SMARCC1: variants seen among roughly 807,000 people sequenced by gnomAD.
SMARCC1 encodes SWI/SNF complex subunit SMARCC1.
In SMARCC1, 43 loss-of-function variants were observed where a neutral mutation model predicts 147.4. The ratio of observed to expected loss-of-function variants is 0.29; its 90% CI spans 0.23 to 0.38. The LOEUF is 0.38. Ranked by LOEUF, SMARCC1 falls within the 10% of genes least tolerant of loss-of-function variation. SMARCC1 has a pLI of 1.00. For synonymous variants in SMARCC1, 495 were observed against 484.4 expected (o/e 1.02, Z -0.29); for missense variants, 1,119 against 1,381.1 (o/e 0.81, Z 3.01).
At chr3:47,672,884 C>T (rs532312866) in intron 18 of SMARCC1, among the ~76,000 whole-genome samples, 2 of 152,152 alleles carry the variant, frequency 1.3e-5, no homozygotes, top group East Asian at 1.9e-4. Flanking sequence ...GTTCAAGCGA[C>T]TCTCGAGCTT....
rs1159170806 is a variant in SMARCC1, at chr3:47,671,190, A to AAAAAAAAAC, written c.1840-482_1840-474dup. Reference sequence around the variant, plus strand: ...GACTATCTCAAAAAAAAAAAAAAAAAAAAAAAAACACACACAAAAACCAAA... The same window carrying AAAAAAAAAC: ...GACTATCTCAAAAAAAAAAAAAAAAAAAAAAAAACAAAAAAAACACACACAAAAACCAAA... On this transcript the variant is annotated intron_variant, in intron 18 of 27. Coordinates refer to ENST00000254480, the MANE Select transcript of SMARCC1 (RefSeq NM_003074.4). 4.9e-4 allele frequency among the ~76,000 whole-genome samples: 71 copies of AAAAAAAAAC among 145,232 alleles called. 1 individual carries two copies. Among genetic ancestry groups the AAAAAAAAAC allele is most frequent in the African/African-American group, 1.8e-3 (67 of 37,842 alleles).
chr3:47,714,176 C>T (rs2034126742), intron 8 of SMARCC1, among the ~76,000 whole-genome samples: 2 of 152,146 alleles, frequency 1.3e-5, no homozygotes, highest in African/African-American at 4.8e-5. Flanking sequence ...CCAGCCTGAC[C>T]AATCCAGTAA....
chr3:47,776,345 T>C (rs2034974846), intron 1 of SMARCC1, among the ~76,000 whole-genome samples: 1 of 152,026 alleles, frequency 6.6e-6, no homozygotes, highest in South Asian at 2.1e-4. Flanking sequence ...ATCACACCCA[T>C]AATCTCAGAA....
In SMARCC1 at chr3:47,608,207, C is replaced by T. The variant is rs561591457; in HGVS notation, c.3043+1859G>A. On this transcript the variant is annotated intron_variant, in intron 26 of 27. Coordinates refer to ENST00000254480, the MANE Select transcript of SMARCC1 (RefSeq NM_003074.4). ...GGTTCAAGCAATACCCATGCCTCAG[C>T]CTCCTGAGTAGATGGGACTGCAGAT... is the stretch of plus-strand genomic sequence containing the variant. Among the ~76,000 whole-genome samples, 5 of 152,334 alleles carry T rather than the reference C, an allele frequency of 3.3e-5. No homozygotes were observed. The East Asian group carries it at 9.7e-4, about 29-fold the overall frequency.
chr3:47,618,464 T>C (rs763335872), intron 25 of SMARCC1, among the ~76,000 whole-genome samples: 6 of 151,820 alleles, frequency 4.0e-5, no homozygotes, highest in Admixed American at 3.9e-4. Context: ...GGAGGATCAC[T>C]TGAGCCCCAG....
At chr3:47,754,294 C>A (rs1244413396) in intron 2 of SMARCC1, among the ~76,000 whole-genome samples, 1 of 152,026 alleles carries the variant, frequency 6.6e-6, no homozygotes, top group Non-Finnish European at 1.5e-5. Context: ...CCTCCGCCTC[C>A]CAGGTTCAAG....
chr3:47,762,402 G>A (rs2034783465), intron 2 of SMARCC1, among the ~76,000 whole-genome samples: 1 of 152,152 alleles, frequency 6.6e-6, no homozygotes, highest in South Asian at 2.1e-4. Context: ...TGATCCAGTT[G>A]GTGAGAATTC....
intron 26 of SMARCC1, among the ~76,000 whole-genome samples, chr3:47,595,668 C>T (rs2032263920): frequency 6.6e-6 from 1 of 151,946 alleles, no homozygotes; most frequent in African/African-American, 2.4e-5. Flanking sequence ...ATATAAATAC[C>T]ATACCCTTTT....
chr3:47,621,350 G>A (rs1446265023), intron 25 of SMARCC1, among the ~76,000 whole-genome samples: 1 of 151,070 alleles, frequency 6.6e-6, no homozygotes, highest in Non-Finnish European at 1.5e-5. Context: ...AAATGCACCT[G>A]CACATGCATG....
intron 21 of SMARCC1, among the ~76,000 whole-genome samples, chr3:47,658,983 T>C (rs551052772): frequency 6.6e-6 from 1 of 151,926 alleles, no homozygotes; most frequent in South Asian, 2.1e-4. Context: ...CCGGGTGTTG[T>C]GGCACAAGCC....
In SMARCC1 at chr3:47,735,737, G is replaced by A. The variant is rs532553300; in HGVS notation, c.576+297C>T. The stretch of plus-strand genomic sequence containing the variant: ...CCCCTACACTCTAGCCTGGGCGACA[G>A]CGCGAGACTCTCTCAACCACAACAA... On this transcript the variant is annotated intron_variant, in intron 5 of 27. Coordinates refer to ENST00000254480, the MANE Select transcript of SMARCC1 (RefSeq NM_003074.4). Among the ~76,000 whole-genome samples the A allele has an allele frequency of 1.8e-3, 276 of 152,178 alleles. 2 individuals carry two copies. The highest frequency in any genetic ancestry group is 6.5e-3 in the African/African-American group (268 of 41,506).
intron 2 of SMARCC1, among the ~76,000 whole-genome samples, chr3:47,754,718 A>T (rs754806698): frequency 6.6e-6 from 1 of 152,188 alleles, no homozygotes; most frequent in Non-Finnish European, 1.5e-5. Context: ...GAAACAACTA[A>T]AAGTCAAAGT....
intron 2 of SMARCC1, among the ~76,000 whole-genome samples, chr3:47,764,090 A>C (rs2034807559): frequency 6.6e-6 from 1 of 152,102 alleles, no homozygotes; most frequent in Non-Finnish European, 1.5e-5. Flanking sequence ...GCTAGAGTGC[A>C]GCAGTAGTAC....
chr3:47,776,110 T>C (rs1046479248), intron 1 of SMARCC1, among the ~76,000 whole-genome samples: 1 of 151,810 alleles, frequency 6.6e-6, no homozygotes, highest in Non-Finnish European at 1.5e-5. Flanking sequence ...AGTGCGCCAC[T>C]GCACTCAAGC....
intron 21 of SMARCC1, among the ~76,000 whole-genome samples, chr3:47,641,772 A>C (rs1473043559): frequency 6.6e-6 from 1 of 152,334 alleles, no homozygotes; most frequent in East Asian, 1.9e-4. Flanking sequence ...CTTTTTAAAA[A>C]TTACTTTTAT....
At chr3:47,769,929 T>G (rs1379580539) in intron 2 of SMARCC1, among the ~76,000 whole-genome samples, 1 of 152,008 alleles carries the variant, frequency 6.6e-6, no homozygotes, top group Non-Finnish European at 1.5e-5. Context: ...GAGTGACATG[T>G]AAAAATAAGG....
At chr3:47,611,703 C>G (rs2032567589) in intron 25 of SMARCC1, among the ~76,000 whole-genome samples, 1 of 152,192 alleles carries the variant, frequency 6.6e-6, no homozygotes, top group Non-Finnish European at 1.5e-5. Context: ...GCCTAAAAAT[C>G]TGGGCCTTTG....
At chr3:47,674,933 C>G (rs1559641691) in intron 18 of SMARCC1, among the ~76,000 whole-genome samples, 1 of 152,180 alleles carries the variant, frequency 6.6e-6, no homozygotes, top group East Asian at 1.9e-4. Flanking sequence ...CACAGTCTTG[C>G]TATGTTGTCC....
intron 7 of SMARCC1, among the ~76,000 whole-genome samples, chr3:47,716,460 G>C (rs2034158383): frequency 6.8e-6 from 1 of 147,246 alleles, no homozygotes; most frequent in African/African-American, 2.5e-5. Context: ...TACTCTTCCA[G>C]TCTTGATTAG....
Sources: allele counts gnomAD v4.1 joint callset (sites outside exome capture counted in the v4.1 genomes callset), GRCh38; gene constraint gnomAD v4.1.1; transcripts MANE v1.5; gene names NCBI Gene and HGNC (gene_info 2026-07-23, HGNC 2026-07-21).